Variants in REEP3 observed in about 807,000 individuals in gnomAD.
The protein encoded by REEP3 is receptor expression-enhancing protein 3.
REEP3 carries 20 observed loss-of-function variants against 41.3 expected under a neutral mutation model. The observed-to-expected ratio is 0.48, with a 90% CI of 0.34 to 0.70. The LOEUF (loss-of-function observed/expected upper bound fraction) is 0.70. Ranked by LOEUF, REEP3 falls within the 30% of genes least tolerant of loss-of-function variation. REEP3 has a pLI of 0.01. For synonymous variants in REEP3, 104 were observed against 101.8 expected (o/e 1.02, Z -0.13); for missense variants, 271 against 308.8 (o/e 0.88, Z 0.92).
chr10:63,568,801 G>A (rs565544306), intron 2 of REEP3, among the ~76,000 whole-genome samples: 11 of 145,682 alleles, frequency 7.6e-5, no homozygotes, highest in East Asian at 4.1e-4. Flanking sequence ...GACTACAGCC[G>A]TGCACCACCA....
intron 1 of REEP3, among the ~76,000 whole-genome samples, chr10:63,527,106 G>T (rs750932374): frequency 6.6e-6 from 1 of 151,634 alleles, no homozygotes; most frequent in Non-Finnish European, 1.5e-5. Flanking sequence ...CTTAAAACCC[G>T]CAATTATTTT....
intron 2 of REEP3, among the ~76,000 whole-genome samples, chr10:63,575,360 T>C (rs1164260914): frequency 1.3e-5 from 2 of 152,212 alleles, no homozygotes; most frequent in Non-Finnish European, 2.9e-5. Flanking sequence ...ATGATGTACT[T>C]TGTTGCATGA....
At chr10:63,576,788 C>T (rs983869610) in intron 2 of REEP3, among the ~76,000 whole-genome samples, 7 of 152,314 alleles carry the variant, frequency 4.6e-5, no homozygotes, top group African/African-American at 1.7e-4. Context: ...AAGGCAGCCA[C>T]CCTCCCATAT....
chr10:63,620,261 A>G (rs1303196624), intron 7 of REEP3, among the ~76,000 whole-genome samples: 3 of 152,156 alleles, frequency 2.0e-5, no homozygotes, highest in African/African-American at 7.2e-5. Flanking sequence ...TTCTTTATTC[A>G]GATCAATGTA....
At chr10:63,583,712 T>C (rs967639874) in intron 2 of REEP3, among the ~76,000 whole-genome samples, 2 of 152,246 alleles carry the variant, frequency 1.3e-5, no homozygotes, top group Non-Finnish European at 2.9e-5. Flanking sequence ...ATTTGAATAG[T>C]CTTTTTTCCC....
chr10:63,589,729 G>A (rs1956040886), intron 2 of REEP3, among the ~76,000 whole-genome samples: 1 of 147,548 alleles, frequency 6.8e-6, no homozygotes, highest in Non-Finnish European at 1.5e-5. Flanking sequence ...CAAATATTGG[G>A]ATTTTGACCC....
intron 1 of REEP3, among the ~76,000 whole-genome samples, chr10:63,547,198 G>A (rs902769338): frequency 6.6e-6 from 1 of 152,148 alleles, no homozygotes; most frequent in Non-Finnish European, 1.5e-5. Flanking sequence ...GGGATTACAG[G>A]CGTGAGCCAC....
intron 2 of REEP3, among the ~76,000 whole-genome samples, chr10:63,566,850 A>G (rs1017066264): frequency 2.6e-4 from 40 of 152,194 alleles, no homozygotes; most frequent in Non-Finnish European, 7.3e-5. Context: ...TGACAACTGC[A>G]GTCTTTTTTC....
chr10:63,578,948 A>G (rs1955921976), intron 2 of REEP3, among the ~76,000 whole-genome samples: 1 of 151,550 alleles, frequency 6.6e-6, no homozygotes, highest in Non-Finnish European at 1.5e-5. Context: ...ACTATTTTAT[A>G]TGTAATATAT....
At position 63,623,285 on chromosome 10, in the gene REEP3, G is replaced by A. The variant is rs1189064902; in HGVS notation, c.*2416G>A. 2 of 151,936 alleles carry A rather than the reference G, an allele frequency of 1.3e-5. No individual in the cohort carries two copies. The highest frequency in any genetic ancestry group is 4.8e-5 in the African/African-American group (2 of 41,346). 9.4% of individuals were successfully genotyped at this position (151,936 alleles called of 1,614,324 possible). ...TTTCTTAAATTTTGGTTCTTTTCCTGTACATGTGTTTTAGCGGGGCCCTTT... is the reference window on the plus strand; with the variant it reads ...TTTCTTAAATTTTGGTTCTTTTCCTATACATGTGTTTTAGCGGGGCCCTTT... On this transcript the variant is annotated 3_prime_UTR_variant, in exon 8 of 8. Coordinates refer to ENST00000373758, the MANE Select transcript of REEP3 (RefSeq NM_001001330.3).
intron 2 of REEP3, among the ~76,000 whole-genome samples, chr10:63,590,225 A>G (rs897858232): frequency 6.6e-6 from 1 of 152,204 alleles, no homozygotes; most frequent in African/African-American, 2.4e-5. Flanking sequence ...CACGCATTTT[A>G]AAAATCATGG....
At chr10:63,605,393 T>A (rs961782616) in intron 5 of REEP3, among the ~76,000 whole-genome samples, 1 of 152,196 alleles carries the variant, frequency 6.6e-6, no homozygotes, top group Non-Finnish European at 1.5e-5. Context: ...GAACTAACCT[T>A]ATCTGCAATT....
intron 1 of REEP3, among the ~76,000 whole-genome samples, chr10:63,534,280 T>A (rs1386470537): frequency 6.6e-6 from 1 of 152,116 alleles, no homozygotes; most frequent in Non-Finnish European, 1.5e-5. Flanking sequence ...AGACAGGGTC[T>A]CCCTCTGTTG....
chr10:63,605,405 T>C (rs1956215671), intron 5 of REEP3, among the ~76,000 whole-genome samples: 1 of 152,298 alleles, frequency 6.6e-6, no homozygotes, highest in East Asian at 1.9e-4. Context: ...TCTGCAATTA[T>C]AATGTAACAT....
chr10:63,536,491 A>T (rs1483306620), intron 1 of REEP3, among the ~76,000 whole-genome samples: 3 of 152,204 alleles, frequency 2.0e-5, no homozygotes, highest in African/African-American at 7.2e-5. Flanking sequence ...AGAAACTCAT[A>T]TTGCTGTTTT....
intron 1 of REEP3, among the ~76,000 whole-genome samples, chr10:63,532,977 G>C (rs1955438039): frequency 6.6e-6 from 1 of 152,202 alleles, no homozygotes; most frequent in South Asian, 2.1e-4. Context: ...AAGGGGGACA[G>C]ATTTTTCTGT....
rs527318331 is a variant in REEP3, at chr10:63,594,436, C to T, written c.106-342C>T. ...TCTTCATAAAGAAGCAAGTAGATAA[C>T]GTCTTTTAAAGAACTTTCTTCCAAT... On this transcript the variant is annotated intron_variant, in intron 2 of 7. Coordinates refer to ENST00000373758, the MANE Select transcript of REEP3 (RefSeq NM_001001330.3). 4.6e-5 allele frequency among the ~76,000 whole-genome samples: 7 copies of T among 152,192 alleles called. No homozygotes were observed. In the South Asian group the frequency reaches 1.2e-3, roughly 27 times the overall value.
intron 1 of REEP3, among the ~76,000 whole-genome samples, chr10:63,525,273 C>A (rs1204990230): frequency 6.6e-6 from 1 of 152,146 alleles, no homozygotes; most frequent in African/African-American, 2.4e-5. Context: ...GGTTCTATTT[C>A]TTAGAAGAGG....
intron 2 of REEP3, among the ~76,000 whole-genome samples, chr10:63,572,929 T>A (rs554618066): frequency 6.6e-6 from 1 of 152,382 alleles, no homozygotes; most frequent in African/African-American, 2.4e-5. Flanking sequence ...TGATCTAGTT[T>A]ACCAGCTTTG....
Sources: gnomAD v4.1 joint callset for allele counts (sites outside exome capture counted in the v4.1 genomes callset) on GRCh38, gnomAD v4.1.1 for gene constraint, MANE v1.5 for transcripts, NCBI Gene and HGNC (gene_info 2026-07-23, HGNC 2026-07-21) for gene names.